The following EHMT1 variants were observed in gnomAD, a reference collection of about 807,000 sequenced individuals.
The protein encoded by EHMT1 is euchromatic histone lysine methyltransferase 1, also known as histone-lysine N-methyltransferase EHMT1.
In EHMT1, 15 loss-of-function variants were observed where a neutral mutation model predicts 147.2. The observed-to-expected ratio is 0.10, with a 90% CI of 0.07 to 0.16. The LOEUF (loss-of-function observed/expected upper bound fraction) is 0.16, where lower values mean the gene tolerates loss of function less well. Among genes scored for constraint, EHMT1 ranks in the 10% least tolerant of loss-of-function variants. The pLI, the probability that EHMT1 is intolerant of heterozygous loss-of-function variation, is 1.00. For missense variants in EHMT1, 1,587 were observed against 1,772.4 expected (o/e 0.90, Z 1.88); for synonymous variants, 795 against 709.6 (o/e 1.12, Z -1.91).
intron 10 of EHMT1, among the ~76,000 whole-genome samples, chr9:137,769,409 G>C (rs2136505136): frequency 6.6e-6 from 1 of 151,940 alleles, no homozygotes; most frequent in South Asian, 2.1e-4. Context: ...TCTTTTTTTG[G>C]TAGCACAAGG....
At position 137,706,706 on chromosome 9, in the gene EHMT1, C is replaced by T. The variant is rs182120640; in HGVS notation, c.22-4261C>T. 2.4e-3 allele frequency among the ~76,000 whole-genome samples: 365 copies of T among 152,084 alleles called. 5 individuals are homozygous for T. The highest frequency in any genetic ancestry group is 7.1e-3 in the African/African-American group (294 of 41,480). The stretch of plus-strand genomic sequence containing the variant: ...TTTGCCATGTTGGCCAGACTGGTCT[C>T]GAACTCCTGACCTCAAGTGATCCGC... On this transcript the variant is annotated intron_variant, in intron 1 of 26. Transcript: ENST00000460843.
intron 10 of EHMT1, among the ~76,000 whole-genome samples, chr9:137,774,170 G>T (rs1950773798): frequency 6.6e-6 from 1 of 152,224 alleles, no homozygotes; most frequent in Non-Finnish European, 1.5e-5. Flanking sequence ...TGATGGCCTG[G>T]ACTGTCCTGC....
rs962869980 is a variant in EHMT1 at position 137,800,739 on chromosome 9, G to A, written c.2608-141G>A. 3 of 693,946 alleles carry A rather than the reference G, an allele frequency of 4.3e-6. No homozygotes were observed. The Admixed American group carries it at 6.6e-5, about 15-fold the overall frequency. 43.0% of individuals were successfully genotyped at this position (693,946 alleles called of 1,614,324 possible). A position where few individuals can be genotyped will look rare whatever the true frequency, so the allele number is the denominator to read the frequency against. ...TGAGGAAGAACTGTGGCCTCTGAAG[G>A]TTGCATTCAGGTCCTGAGTGAGACG... is the stretch of plus-strand genomic sequence containing the variant. On this transcript the variant is annotated intron_variant, in intron 17 of 26. Transcript: ENST00000460843.
intron 2 of EHMT1, among the ~76,000 whole-genome samples, chr9:137,713,809 A>G (rs1944959578): frequency 6.6e-6 from 1 of 151,632 alleles, no homozygotes; most frequent in Non-Finnish European, 1.5e-5. Flanking sequence ...AATTAGCGGG[A>G]TGTGGTGGCT....
chr9:137,809,543 A>AG (rs1260162625), intron 18 of EHMT1, among the ~76,000 whole-genome samples: 1 of 152,230 alleles, frequency 6.6e-6, no homozygotes, highest in African/African-American at 2.4e-5. Flanking sequence ...GCGGTCAGTC[A>AG]GGCGGGGCTT....
intron 1 of EHMT1, among the ~76,000 whole-genome samples, chr9:137,673,639 G>A (rs939830854): frequency 6.6e-6 from 1 of 152,210 alleles, no homozygotes; most frequent in African/African-American, 2.4e-5. Flanking sequence ...GCGAAACTGC[G>A]CTGCTGCCCT....
At chr9:137,670,595 C>T (rs1474910798) in intron 1 of EHMT1, among the ~76,000 whole-genome samples, 1 of 152,200 alleles carries the variant, frequency 6.6e-6, no homozygotes, top group Non-Finnish European at 1.5e-5. Flanking sequence ...TCCTCAGTCT[C>T]CCATCTGCGC....
At chr9:137,674,438 G>A (rs1473296586) in intron 1 of EHMT1, among the ~76,000 whole-genome samples, 1 of 152,206 alleles carries the variant, frequency 6.6e-6, no homozygotes, top group Non-Finnish European at 1.5e-5. Flanking sequence ...TCTGCAGGCT[G>A]ACGGAGAATC....
intron 6 of EHMT1, among the ~76,000 whole-genome samples, chr9:137,749,545 C>A (rs1015147798): frequency 6.6e-6 from 1 of 152,134 alleles, no homozygotes; most frequent in Non-Finnish European, 1.5e-5. Context: ...TGTGATCAAC[C>A]TGCCTTGGCT....
At position 137,790,959 on chromosome 9, in the gene EHMT1, G is replaced by A. The variant is rs777770909; in HGVS notation, c.2494G>A (p.Val832Met). Residue 832 changes from valine (V) to methionine (M), a missense_variant, in exon 16 of 27, where the codon GTG becomes ATG. Around this residue, in one of 7 missense-constraint regions of EHMT1, gnomAD observed 201 missense variants for 350.1 expected, o/e 0.57. Coordinates refer to ENST00000460843, the MANE Select transcript of EHMT1 (RefSeq NM_024757.5). Reference sequence around the variant, plus strand: ...GTACCTCATCAAGGCTGGGGCCCTGGTGGATCCCAAGGTATGTTCCCCTGT... The same window carrying A: ...GTACCTCATCAAGGCTGGGGCCCTGATGGATCCCAAGGTATGTTCCCCTGT... ...VKYLIKAGALVDPKDAEGSTC... is the reference protein window; with the variant it reads ...VKYLIKAGALMDPKDAEGSTC... 10 of 1,614,198 alleles carry A rather than the reference G, an allele frequency of 6.2e-6. No individual in the cohort carries two copies. The highest frequency in any genetic ancestry group is 1.7e-5 in the Admixed American group (1 of 60,026).
At chr9:137,704,219 C>T (rs1944066813) in intron 1 of EHMT1, among the ~76,000 whole-genome samples, 2 of 152,186 alleles carry the variant, frequency 1.3e-5, no homozygotes, top group African/African-American at 4.8e-5. Flanking sequence ...GGTGGGGACA[C>T]AGAGCCAAAC....
At chr9:137,694,794 G>A (rs187425070) in intron 1 of EHMT1, among the ~76,000 whole-genome samples, 3 of 152,334 alleles carry the variant, frequency 2.0e-5, no homozygotes, top group Admixed American at 2.0e-4. Context: ...TTGACCCGGC[G>A]AATCTCCTGG....
chr9:137,701,069 T>C (rs1268332013), intron 1 of EHMT1, among the ~76,000 whole-genome samples: 1 of 151,994 alleles, frequency 6.6e-6, no homozygotes, highest in East Asian at 1.9e-4. Context: ...CTGCACACTT[T>C]CCAACAACCA....
chr9:137,740,987 G>GTT (rs1948012605), intron 4 of EHMT1, among the ~76,000 whole-genome samples: 1 of 140,082 alleles, frequency 7.1e-6, no homozygotes, highest in African/African-American at 2.9e-5. Context: ...TTTTTTTTTT[G>GTT]TTTGTTTGAG....
chr9:137,673,769 A>G (rs1438259070), intron 1 of EHMT1, among the ~76,000 whole-genome samples: 1 of 152,194 alleles, frequency 6.6e-6, no homozygotes, highest in Non-Finnish European at 1.5e-5. Context: ...CATGGTGGTA[A>G]TTGTGTGAGA....
intron 6 of EHMT1, chr9:137,747,460 C>T (rs1948639250): frequency 6.6e-6 from 1 of 152,052 alleles, no homozygotes; most frequent in Admixed American, 6.6e-5. Context: ...GCCCGGCCTC[C>T]TAAATAAAAT....
intron 25 of EHMT1, among the ~76,000 whole-genome samples, chr9:137,823,745 A>ACGAGGTTTCGCCATGTTGGCCAGGC (rs1222234186): frequency 6.6e-6 from 1 of 151,282 alleles, no homozygotes; most frequent in African/African-American, 2.4e-5. Flanking sequence ...TTTAGTAGAG[A>ACGAGGTTTCGCCATGTTGGCCAGGC]CGAGGTTTCG....
intron 4 of EHMT1, among the ~76,000 whole-genome samples, chr9:137,736,439 A>C (rs1947535608): frequency 6.6e-6 from 1 of 152,234 alleles, no homozygotes; most frequent in Admixed American, 6.5e-5. Context: ...ATAAGAAAGG[A>C]AATGGAGGAC....
At chr9:137,715,716 G>C (rs1945150975) in intron 2 of EHMT1, 2 of 985,326 alleles carry the variant, frequency 2.0e-6, no homozygotes, top group African/African-American at 1.7e-5. Flanking sequence ...TCATCGGAGA[G>C]TGAGCCTCTG....
Sources: allele counts gnomAD v4.1 joint callset (sites outside exome capture counted in the v4.1 genomes callset), GRCh38; gene constraint gnomAD v4.1.1; regional missense constraint gnomAD v4.1.1; transcripts MANE v1.5; gene names NCBI Gene and HGNC (gene_info 2026-07-23, HGNC 2026-07-21).